Variants in PSMB7 observed in about 807,000 individuals in gnomAD.
The protein encoded by PSMB7 is proteasome 20S subunit beta 7, also known as proteasome subunit beta type-7.
Under a neutral mutation model 28.1 loss-of-function variants are expected in PSMB7, and 5 were observed. The observed-to-expected ratio is 0.18, with a 90% CI of 0.09 to 0.37. The LOEUF is 0.37. PSMB7 is among the 10% of genes least tolerant of loss of function. The pLI, the probability that PSMB7 is intolerant of heterozygous loss-of-function variation, is 1.00. For missense variants in PSMB7, 275 were observed against 346.2 expected, an observed-to-expected ratio of 0.79 and a Z score of 1.63; for synonymous variants, 122 against 123.7, an observed-to-expected ratio of 0.99 and a Z score of 0.09.
In PSMB7 at chr9:124,356,870, T is replaced by C; in HGVS notation, c.616A>G (p.Ile206Val). The C allele has an allele frequency of 1.2e-6, 2 of 1,614,220 alleles. No homozygotes were observed. Among genetic ancestry groups the C allele is most frequent in the Non-Finnish European group, 1.7e-6 (2 of 1,180,028 alleles). Residue 206 changes from isoleucine (I) to valine (V), a missense_variant, in exon 7 of 8, where the codon ATC becomes GTC. Coordinates refer to ENST00000259457, the MANE Select transcript of PSMB7 (RefSeq NM_002799.4). The surrounding 1 kb of genome is among the most constrained non-coding windows in gnomAD (Gnocchi z 4.4). ...CTTCCGGAGCCCAGGTCGTTGAAGA[T>C]GCCAGCTGCGATGGCTTCGCTCACC... ...NLVSEAIAAGIFNDLGSGSNI... is the reference protein window; with the variant it reads ...NLVSEAIAAGVFNDLGSGSNI...
intron 4 of PSMB7, among the ~76,000 whole-genome samples, chr9:124,405,803 C>A (rs1207840302): frequency 6.6e-6 from 1 of 152,160 alleles, no homozygotes; most frequent in Admixed American, 6.5e-5. Context: ...CCACCTCAGC[C>A]TCCTAAGTAG....
At chr9:124,362,112 AAC>A (rs925428500) in intron 6 of PSMB7, among the ~76,000 whole-genome samples, 1 of 152,258 alleles carries the variant, frequency 6.6e-6, no homozygotes, top group Non-Finnish European at 1.5e-5. Context: ...CTGAAAACCT[AAC>A]AGACTATTTT....
intron 5 of PSMB7, among the ~76,000 whole-genome samples, chr9:124,387,909 G>C (rs1273282529): frequency 6.6e-6 from 1 of 151,638 alleles, no homozygotes; most frequent in Non-Finnish European, 1.5e-5. Flanking sequence ...AAAAAAGATG[G>C]TAAACTCAGG....
intron 4 of PSMB7, among the ~76,000 whole-genome samples, chr9:124,407,481 G>A (rs1390036639): frequency 6.6e-6 from 1 of 152,132 alleles, no homozygotes; most frequent in Non-Finnish European, 1.5e-5. Flanking sequence ...AGCCACAATC[G>A]CCAGTCCCAC....
chr9:124,402,292 A>G (rs1830918484), intron 5 of PSMB7, among the ~76,000 whole-genome samples: 1 of 152,206 alleles, frequency 6.6e-6, no homozygotes, highest in Admixed American at 6.5e-5. Flanking sequence ...TGGGCGGCAG[A>G]AGTAAAATGG....
intron 6 of PSMB7, among the ~76,000 whole-genome samples, chr9:124,375,066 A>G (rs1247030255): frequency 2.0e-5 from 3 of 152,080 alleles, no homozygotes; most frequent in Non-Finnish European, 2.9e-5. Context: ...ACTTGAACCC[A>G]GGAAGTGGAG....
In PSMB7 at chr9:124,356,195, C is replaced by A. The variant is rs1345930565; in HGVS notation, c.722+569G>T. Among the ~76,000 whole-genome samples the A allele has an allele frequency of 6.6e-6, 1 of 152,192 alleles. No homozygotes were observed. The highest frequency in any genetic ancestry group is 2.4e-5 in the African/African-American group (1 of 41,444). On this transcript the variant is annotated intron_variant, in intron 7 of 7. Coordinates refer to ENST00000259457, the MANE Select transcript of PSMB7 (RefSeq NM_002799.4). This position sits in a 1 kb window ranked among gnomAD's most constrained non-coding sequence, Gnocchi z 4.4. Reference sequence around the variant, plus strand: ...CACCAGGTTTGGAAACCTCCCAGTTCTGCTCAGCAAATCAACTAGAACCTT... The same window carrying A: ...CACCAGGTTTGGAAACCTCCCAGTTATGCTCAGCAAATCAACTAGAACCTT...
chr9:124,413,251 CAG>C (rs1283756391), intron 3 of PSMB7, among the ~76,000 whole-genome samples: 1 of 149,348 alleles, frequency 6.7e-6, no homozygotes, highest in Admixed American at 6.7e-5. Flanking sequence ...GCAGAGAAGG[CAG>C]AGTTTCTAAA....
intron 6 of PSMB7, among the ~76,000 whole-genome samples, chr9:124,382,695 T>C (rs1025401593): frequency 1.3e-4 from 20 of 152,196 alleles, no homozygotes; most frequent in African/African-American, 4.3e-4. Flanking sequence ...ACACAACTGA[T>C]CTAAGAAACA....
chr9:124,354,666 C>T (rs566370544), intron 7 of PSMB7, among the ~76,000 whole-genome samples: 8 of 152,292 alleles, frequency 5.3e-5, no homozygotes, highest in African/African-American at 1.7e-4. Flanking sequence ...AAGCCTCCCC[C>T]GACCCCCACC....
At chr9:124,355,275 G>A (rs777631190) in intron 7 of PSMB7, among the ~76,000 whole-genome samples, 7 of 152,324 alleles carry the variant, frequency 4.6e-5, no homozygotes, top group Middle Eastern at 3.4e-3. Flanking sequence ...CCAAGCAGCC[G>A]CAAGGCGGTT....
At chr9:124,368,750 G>A (rs1316264194) in intron 6 of PSMB7, among the ~76,000 whole-genome samples, 1 of 152,228 alleles carries the variant, frequency 6.6e-6, no homozygotes, top group East Asian at 1.9e-4. Context: ...GAGACTCAGA[G>A]AGTAAACTCT....
intron 5 of PSMB7, among the ~76,000 whole-genome samples, chr9:124,392,058 G>A (rs1386979843): frequency 1.3e-5 from 2 of 152,208 alleles, no homozygotes; most frequent in Non-Finnish European, 1.5e-5. Context: ...ATTCATTGAC[G>A]GTCTTAGGTC....
At chr9:124,408,124 C>T (rs542838270) in intron 4 of PSMB7, among the ~76,000 whole-genome samples, 2 of 152,222 alleles carry the variant, frequency 1.3e-5, no homozygotes, top group African/African-American at 2.4e-5. Flanking sequence ...CATGCACTGC[C>T]TTTAAGTGAG....
chr9:124,368,011 T>C (rs1314027444), intron 6 of PSMB7, among the ~76,000 whole-genome samples: 4 of 152,242 alleles, frequency 2.6e-5, no homozygotes, highest in African/African-American at 4.8e-5. Flanking sequence ...ATTCAACATA[T>C]TGCCATAAAA....
At chr9:124,382,775 T>A (rs1830681619) in intron 6 of PSMB7, among the ~76,000 whole-genome samples, 1 of 152,194 alleles carries the variant, frequency 6.6e-6, no homozygotes, top group Non-Finnish European at 1.5e-5. Context: ...CAAAATCACA[T>A]CAAATATTGA....
chr9:124,405,372 G>T lies in PSMB7; in HGVS notation c.456C>A (p.His152Gln), dbSNP rs141948150. The stretch of plus-strand genomic sequence containing the variant: ...ATCCATGAGGATAGATGCTGTAGAG[G>T]TGAGGTCCAGTAACATCTACTCCCC... ...VLGGVDVTGP[H>Q]LYSIYPHGST... Residue 152 changes from histidine to glutamine, a missense_variant, in exon 5 of 8, where the codon CAC (histidine) becomes CAA (glutamine). Around this residue, in one of 2 missense-constraint regions of PSMB7, gnomAD observed 213 missense variants for 302.4 expected, o/e 0.70. Coordinates refer to ENST00000259457, the MANE Select transcript of PSMB7 (RefSeq NM_002799.4). 1.2e-4 allele frequency: 188 copies of T among 1,613,946 alleles called. No individual in the cohort carries two copies. Among genetic ancestry groups the T allele is most frequent in the Middle Eastern group, 8.3e-4 (5 of 6,058 alleles).
chr9:124,405,177 T>G, intron 5 of PSMB7, 140 bp downstream of exon 5: 2 of 602,764 alleles, frequency 3.3e-6, no homozygotes, highest in Non-Finnish European at 2.9e-6. Context: ...TAATCTATAG[T>G]AGGAACTCAG....
At chr9:124,381,944 A>G (rs973230457) in intron 6 of PSMB7, among the ~76,000 whole-genome samples, 5 of 151,862 alleles carry the variant, frequency 3.3e-5, no homozygotes, top group Non-Finnish European at 7.4e-5. Context: ...ACTAAAGAAG[A>G]AGGTACCACC....
Sources: gnomAD v4.1 joint callset for allele counts (sites outside exome capture counted in the v4.1 genomes callset) on GRCh38, gnomAD v4.1.1 for gene constraint, gnomAD v4.1.1 regional missense constraint, Gnocchi (gnomAD v3.1) non-coding constraint, MANE v1.5 for transcripts, NCBI Gene and HGNC (gene_info 2026-07-23, HGNC 2026-07-21) for gene names.